ADAMTS16: variants seen among roughly 807,000 people sequenced by gnomAD.
ADAMTS16 encodes the protein ADAM metallopeptidase with thrombospondin type 1 motif 16, also known as A disintegrin and metalloproteinase with thrombospondin motifs 16.
A neutral mutation model predicts 145.8 loss-of-function variants in ADAMTS16; 94 were observed. That is an observed-to-expected ratio of 0.64 (90% confidence interval 0.55 to 0.77). The LOEUF (loss-of-function observed/expected upper bound fraction) is 0.77. ADAMTS16 is among the 30% of genes least tolerant of loss of function. The probability of loss-of-function intolerance (pLI) is 0.00; values close to 1 mark genes in which losing one functional copy is unlikely to be tolerated. For synonymous variants in ADAMTS16, 659 were observed against 604.3 expected (o/e 1.09, Z -1.33); for missense variants, 1,585 against 1,591.5 (o/e 1.00, Z 0.07).
chr5:5,168,587 A>G (rs1490749044), intron 3 of ADAMTS16, among the ~76,000 whole-genome samples: 2 of 74,174 alleles, frequency 2.7e-5, no homozygotes, highest in African/African-American at 1.1e-4. Flanking sequence ...TATATATTAT[A>G]TTATATATAA....
At chr5:5,253,209 T>G (rs2964415) in intron 17 of ADAMTS16, among the ~76,000 whole-genome samples, 145,654 of 152,296 alleles carry the variant, frequency 0.96, 69,872 homozygotes, top group Non-Finnish European at 1. Flanking sequence ...TCCTGAGACA[T>G]GTGTCCAAGG....
At chr5:5,164,131 TAACCTTC>T (rs1734805187) in intron 3 of ADAMTS16, among the ~76,000 whole-genome samples, 1 of 152,172 alleles carries the variant, frequency 6.6e-6, no homozygotes, top group Non-Finnish European at 1.5e-5. Flanking sequence ...ACTCCATAGG[TAACCTTC>T]AACCTATCAG....
chr5:5,149,222 T>C (rs964330754), intron 3 of ADAMTS16, among the ~76,000 whole-genome samples: 5 of 152,180 alleles, frequency 3.3e-5, no homozygotes, highest in African/African-American at 1.2e-4. Flanking sequence ...TATTTCTTAT[T>C]CAGTTAAGTA....
At chr5:5,211,309 T>A (rs1291438474) in intron 10 of ADAMTS16, among the ~76,000 whole-genome samples, 2 of 152,124 alleles carry the variant, frequency 1.3e-5, no homozygotes, top group African/African-American at 2.4e-5. Flanking sequence ...TTGGAAAAAG[T>A]AAAGAAATCA....
intron 10 of ADAMTS16, among the ~76,000 whole-genome samples, chr5:5,212,650 T>C (rs1736308126): frequency 6.6e-6 from 1 of 152,184 alleles, no homozygotes; most frequent in Non-Finnish European, 1.5e-5. Context: ...TTTTCCATTC[T>C]TTTGCTTTCA....
At chr5:5,172,622 G>C (rs1391707750) in intron 3 of ADAMTS16, among the ~76,000 whole-genome samples, 1 of 151,926 alleles carries the variant, frequency 6.6e-6, no homozygotes, top group African/African-American at 2.4e-5. Context: ...AGAATTTCAG[G>C]GTTTTTAAAA....
intron 18 of ADAMTS16, among the ~76,000 whole-genome samples, chr5:5,279,551 G>T (rs572580340): frequency 6.6e-6 from 1 of 152,006 alleles, no homozygotes; most frequent in Non-Finnish European, 1.5e-5. Flanking sequence ...GGGGAAAAAA[G>T]ATTTTATTAA....
At chr5:5,242,376 A>C (rs917753520) in intron 17 of ADAMTS16, among the ~76,000 whole-genome samples, 185 bp downstream of exon 17, 1 of 152,140 alleles carries the variant, frequency 6.6e-6, no homozygotes, top group Non-Finnish European at 1.5e-5. Flanking sequence ...TGCCTTCTCC[A>C]GTCTATCTGC....
At chr5:5,314,436 G>A (rs996157345) in intron 21 of ADAMTS16, among the ~76,000 whole-genome samples, 5 of 152,204 alleles carry the variant, frequency 3.3e-5, no homozygotes, top group Admixed American at 6.5e-5. Flanking sequence ...CCAAGGGAAT[G>A]CCTGGAAGGT....
chr5:5,190,857 T>C (rs750323331), intron 7 of ADAMTS16, among the ~76,000 whole-genome samples: 1 of 152,010 alleles, frequency 6.6e-6, no homozygotes, highest in Admixed American at 6.5e-5. Context: ...AGAACTCAGG[T>C]TGTAGGATGG....
intron 18 of ADAMTS16, among the ~76,000 whole-genome samples, chr5:5,294,412 ACCAGAAGC>A (rs1739448257): frequency 6.6e-6 from 1 of 152,206 alleles, no homozygotes; most frequent in African/African-American, 2.4e-5. Context: ...AGATCAGTGG[ACCAGAAGC>A]CCAGGAAGGA....
chr5:5,309,189 G>A (rs1740311852), intron 21 of ADAMTS16, among the ~76,000 whole-genome samples: 1 of 152,228 alleles, frequency 6.6e-6, no homozygotes, highest in Non-Finnish European at 1.5e-5. Flanking sequence ...AGATGGCACA[G>A]TATTTGCATG....
rs1740344446 is a variant in ADAMTS16, at chr5:5,309,826, TCGTG to T, written c.3411+3099_3411+3102del. 1.2e-4 allele frequency among the ~76,000 whole-genome samples: 6 copies of T among 52,010 alleles called. No individual in the cohort carries two copies. In the South Asian group the frequency reaches 6.5e-3, roughly 56 times the overall value. The allele number at this position is 52,010 out of a possible 152,430, so 34.1% of individuals were successfully genotyped here. A position where few individuals can be genotyped will look rare whatever the true frequency, so the allele number is the denominator to read the frequency against. ...GGTTTAGGAGAGACAGGTCATGTCC[TCGTG>T]TGTGTGTGTGTGTGTGTGTGTGTGT... On this transcript the variant is annotated intron_variant, in intron 21 of 22. Coordinates refer to ENST00000274181, the MANE Select transcript of ADAMTS16 (RefSeq NM_139056.4).
chr5:5,145,392 A>G (rs936854990), intron 2 of ADAMTS16, among the ~76,000 whole-genome samples: 6 of 152,184 alleles, frequency 3.9e-5, no homozygotes, highest in African/African-American at 1.2e-4. Context: ...AATATCACAC[A>G]CTGGGGGCTG....
chr5:5,199,973 A>T (rs1487185339), intron 8 of ADAMTS16, among the ~76,000 whole-genome samples, 159 bp from the exon 9 acceptor site: 1 of 152,202 alleles, frequency 6.6e-6, no homozygotes, highest in Non-Finnish European at 1.5e-5. Flanking sequence ...ATACGTGAAT[A>T]TTCTTAACCA....
intron 17 of ADAMTS16, among the ~76,000 whole-genome samples, chr5:5,252,553 A>T (rs68048667): frequency 0.022 from 3,376 of 152,276 alleles, 41 homozygotes; most frequent in Non-Finnish European, 0.032. Flanking sequence ...CCTGAGGATC[A>T]TTAGCGGACC....
At chr5:5,188,726 C>T (rs544685524) in intron 6 of ADAMTS16, among the ~76,000 whole-genome samples, 2 of 152,276 alleles carry the variant, frequency 1.3e-5, no homozygotes, top group Admixed American at 6.5e-5. Flanking sequence ...TGGGATGCTG[C>T]TCTTTTTCTG....
At chr5:5,276,752 C>T (rs1422588839) in intron 18 of ADAMTS16, among the ~76,000 whole-genome samples, 1 of 152,068 alleles carries the variant, frequency 6.6e-6, no homozygotes, top group Non-Finnish European at 1.5e-5. Context: ...GACTGTTGAG[C>T]CCAGAAACAG....
At chr5:5,278,735 G>T (rs1399797322) in intron 18 of ADAMTS16, among the ~76,000 whole-genome samples, 1 of 152,198 alleles carries the variant, frequency 6.6e-6, no homozygotes, top group Non-Finnish European at 1.5e-5. Flanking sequence ...GGGTGACAGA[G>T]TCAACAATAG....
Sources: allele counts gnomAD v4.1 joint callset (sites outside exome capture counted in the v4.1 genomes callset), GRCh38; gene constraint gnomAD v4.1.1; transcripts MANE v1.5; gene names NCBI Gene and HGNC (gene_info 2026-07-23, HGNC 2026-07-21).